Variants in KRT86 observed in about 807,000 individuals in gnomAD.
KRT86 encodes keratin 86, also known as keratin, type II cuticular Hb6.
KRT86 carries 30 observed loss-of-function variants against 41.2 expected under a neutral mutation model. That is an observed-to-expected ratio of 0.73 (90% CI 0.54 to 0.99). The LOEUF (loss-of-function observed/expected upper bound fraction) is 0.99, where lower values mean the gene tolerates loss of function less well. Ranked by LOEUF, KRT86 falls within the 50% of genes least tolerant of loss-of-function variation. The pLI is 0.00. For synonymous variants in KRT86, 238 were observed against 238.1 expected (o/e 1.00, Z 0.00); for missense variants, 561 against 571.4 (o/e 0.98, Z 0.19).
intron 2 of KRT86, among the ~76,000 whole-genome samples, chr12:52,285,267 C>G (rs1371323290): frequency 2.0e-5 from 3 of 152,268 alleles, no homozygotes; most frequent in East Asian, 3.9e-4. Context: ...CGTGTCCCCC[C>G]TCTATGCCAC....
chr12:52,281,747 T>C (rs969029702), intron 2 of KRT86, among the ~76,000 whole-genome samples: 1 of 152,198 alleles, frequency 6.6e-6, no homozygotes, highest in Non-Finnish European at 1.5e-5. Flanking sequence ...ATTTTAAATT[T>C]ATTTTTGTAG....
chr12:52,302,080 G>T lies in KRT86; in HGVS notation c.164G>T (p.Arg55Leu). The part of the protein sequence containing the change: ...FGSHSVCGGF[R>L]AGSCGRSFGY... ...AGCCACAGCGTGTGCGGAGGCTTTCGGGCCGGCTCCTGCGGACGCAGCTTC... is the reference window on the plus strand; with the variant it reads ...AGCCACAGCGTGTGCGGAGGCTTTCTGGCCGGCTCCTGCGGACGCAGCTTC... Residue 55 changes from arginine to leucine, a missense_variant, in exon 3 of 11, where the codon CGG becomes CTG. Around this residue, in one of 3 missense-constraint regions of KRT86, gnomAD observed 164 missense variants for 172.5 expected, o/e 0.95. Transcript: ENST00000423955. The T allele has an allele frequency of 6.3e-7, 1 of 1,593,650 alleles. No homozygotes were observed. Among genetic ancestry groups the T allele is most frequent in the Non-Finnish European group, 8.5e-7 (1 of 1,171,584 alleles).
rs1238624628 is a variant in KRT86, at chr12:52,305,362, C to T, written c.858C>T (p.Val286=). ...TCAAGGCACAGTACGATGACATTGT[C>T]ACCCGTAGCCGGGCTGAGGCCGAGT... is the stretch of plus-strand genomic sequence containing the variant. ...AEIKAQYDDI[V]TRSRAEAESW... The change falls in exon 7 of 11, where the codon GTC becomes GTT. Residue 286 remains valine, a synonymous_variant. Transcript: ENST00000423955. The T allele has an allele frequency of 1.9e-6, 3 of 1,614,122 alleles. No individual in the cohort carries two copies. The highest frequency in any genetic ancestry group is 1.7e-5 in the Admixed American group (1 of 60,006).
In KRT86 at chr12:52,305,350, C is replaced by T. The variant is rs777969989; in HGVS notation, c.846C>T (p.Tyr282=). 40 of 1,614,118 alleles carry T rather than the reference C, an allele frequency of 2.5e-5. No individual in the cohort carries two copies. The highest frequency in any genetic ancestry group is 2.3e-4 in the African/African-American group (17 of 74,946). The change falls in exon 7 of 11, where the codon TAC becomes TAT. Residue 282 remains tyrosine (Y), a synonymous_variant. Coordinates refer to ENST00000423955, the MANE Select transcript of KRT86 (RefSeq NM_001320198.2). Reference sequence around the variant, plus strand: ...TCATTGCCGAGATCAAGGCACAGTACGATGACATTGTCACCCGTAGCCGGG... The same window carrying T: ...TCATTGCCGAGATCAAGGCACAGTATGATGACATTGTCACCCGTAGCCGGG... ...DCIIAEIKAQ[Y]DDIVTRSRAE... is the part of the protein sequence containing the mutation.
At chr12:52,299,293 T>C (rs1938319289) in intron 2 of KRT86, among the ~76,000 whole-genome samples, 2 of 152,262 alleles carry the variant, frequency 1.3e-5, no homozygotes, top group Non-Finnish European at 2.9e-5. Context: ...TTCCTTTTTA[T>C]GGCTGAATAA....
intron 10 of KRT86, 34 bp from the exon 11 acceptor site, chr12:52,308,370 G>T: frequency 6.2e-7 from 1 of 1,611,094 alleles, no homozygotes; most frequent in Non-Finnish European, 8.5e-7. Flanking sequence ...TCGCGGCTGC[G>T]CCTGACGCGC....
chr12:52,301,848 C>A lies in KRT86; in HGVS notation c.-4-65C>A. On this transcript the variant is annotated intron_variant, in intron 2 of 10. Transcript: ENST00000423955. ...AGGTGCAAGTAGTGAACGCCTGACG[C>A]CCCGACCACTGTGCTCTCCATTCGG... 9 of 1,613,400 alleles carry A rather than the reference C, an allele frequency of 5.6e-6. No homozygotes were observed. The South Asian group carries it at 9.9e-5, about 18-fold the overall frequency.
chr12:52,283,392 CAAAAAAAA>C (rs1169224117), intron 2 of KRT86, among the ~76,000 whole-genome samples: 1 of 39,552 alleles, frequency 2.5e-5, no homozygotes, highest in African/African-American at 1.1e-4. Context: ...AACTGTCTCA[CAAAAAAAA>C]AAAAAAAAAA....
At chr12:52,306,410 G>T in intron 9 of KRT86, 130 bp downstream of exon 9, 2 of 1,429,440 alleles carry the variant, frequency 1.4e-6, no homozygotes, top group South Asian at 2.5e-5. Flanking sequence ...GGTAATTTGT[G>T]TAAGTCCTTT....
intron 8 of KRT86, 29 bp from the exon 9 acceptor site, chr12:52,306,031 A>T (rs1333699023): frequency 3.1e-6 from 5 of 1,613,094 alleles, no homozygotes; most frequent in African/African-American, 1.3e-5. Context: ...AGGGACTCTA[A>T]TCTACCTTGT....
intron 3 of KRT86, among the ~76,000 whole-genome samples, chr12:52,302,841 T>C (rs1403185744): frequency 1.6e-5 from 2 of 127,146 alleles, no homozygotes; most frequent in South Asian, 2.8e-4. Flanking sequence ...GGGTGGGGGG[T>C]GGGGGGGGGG....
chr12:52,294,427 A>G (rs1938202936), intron 2 of KRT86, among the ~76,000 whole-genome samples: 1 of 152,176 alleles, frequency 6.6e-6, no homozygotes, highest in South Asian at 2.1e-4. Flanking sequence ...TGAAGACCTA[A>G]AAGGACATTC....
chr12:52,275,602 G>A (rs1407731541), intron 1 of KRT86, among the ~76,000 whole-genome samples: 1 of 152,180 alleles, frequency 6.6e-6, no homozygotes, highest in African/African-American at 2.4e-5. Flanking sequence ...CTGAGTTCAG[G>A]CTTCCTTTGG....
Position 52,308,266 on chromosome 12 carries a change from T to TA in KRT86, c.1279+4dup, listed in dbSNP as rs1938562811. ...AGGGCGTCGGCTCGGTGAATGTCTG[T>TA]AAGTAGTGGGGTCCGTCCCCTCCTC... On this transcript the variant is annotated splice_region_variant and intron_variant, in intron 10 of 10. Transcript: ENST00000423955. 2 of 1,614,060 alleles carry TA rather than the reference T, an allele frequency of 1.2e-6. No homozygotes were observed. Among genetic ancestry groups the TA allele is most frequent in the African/African-American group, 1.3e-5 (1 of 74,946 alleles).
At chr12:52,287,842 C>T (rs1212022840) in intron 2 of KRT86, 5 of 1,599,862 alleles carry the variant, frequency 3.1e-6, no homozygotes, top group African/African-American at 1.3e-5. Context: ...GGCAGTCCTG[C>T]CCTGCCACCC....
intron 2 of KRT86, among the ~76,000 whole-genome samples, chr12:52,294,274 C>T (rs529482346): frequency 6.6e-6 from 1 of 152,358 alleles, no homozygotes; most frequent in South Asian, 2.1e-4. Context: ...ACCAGTATAA[C>T]TCCTTATAAA....
intron 2 of KRT86, among the ~76,000 whole-genome samples, chr12:52,292,010 C>G (rs539913355): frequency 6.6e-6 from 1 of 152,302 alleles, no homozygotes; most frequent in South Asian, 2.1e-4. Context: ...AAACACAAAT[C>G]TGGATTTCCC....
intron 3 of KRT86, 42 bp downstream of exon 3, chr12:52,302,327 T>C: frequency 3.9e-6 from 2 of 517,814 alleles, no homozygotes; most frequent in Non-Finnish European, 6.2e-6. Context: ...CCCCACCACC[T>C]ACACAGCCAG....
At chr12:52,294,850 T>G (rs1426361645) in intron 2 of KRT86, among the ~76,000 whole-genome samples, 1 of 152,218 alleles carries the variant, frequency 6.6e-6, no homozygotes, top group Non-Finnish European at 1.5e-5. Context: ...TTGTTTCTTT[T>G]TCCAGCTTTT....
Sources: allele counts gnomAD v4.1 joint callset (sites outside exome capture counted in the v4.1 genomes callset), GRCh38; gene constraint gnomAD v4.1.1; regional missense constraint gnomAD v4.1.1; transcripts MANE v1.5; gene names NCBI Gene and HGNC (gene_info 2026-07-23, HGNC 2026-07-21).